The following PNPLA3 variants were observed in gnomAD, a reference collection of about 807,000 sequenced individuals.
PNPLA3 encodes the protein 1-acylglycerol-3-phosphate O-acyltransferase PNPLA3.
Under a neutral mutation model 43.1 loss-of-function variants are expected in PNPLA3, and 42 were observed. The ratio of observed to expected loss-of-function variants is 0.97; its 90% CI spans 0.76 to 1.26. PNPLA3 has a LOEUF of 1.26. PNPLA3 is among the 50% of genes most tolerant of loss of function. The probability of loss-of-function intolerance (pLI) is 0.00; values close to 1 mark genes in which losing one functional copy is unlikely to be tolerated. For missense variants in PNPLA3, 647 were observed against 621.4 expected, an observed-to-expected ratio of 1.04 and a Z score of -0.44; for synonymous variants, 272 against 253.6, an observed-to-expected ratio of 1.07 and a Z score of -0.69.
At chr22:43,942,169 T>C (rs9625965) in intron 7 of PNPLA3, among the ~76,000 whole-genome samples, 6,972 of 152,258 alleles carry the variant, frequency 0.046, 216 homozygotes, top group Middle Eastern at 0.078. Context: ...CACTCTTAGG[T>C]CCTCCTGCCC....
At position 43,946,514 on chromosome 22, in the gene PNPLA3, T is replaced by A. The variant is rs115043594; in HGVS notation, c.*132T>A. The A allele has an allele frequency of 9.4e-4, 889 of 949,444 alleles. 11 individuals carry two copies. In the African/African-American group the frequency reaches 0.013, roughly 14 times the overall value. The allele number at this position is 949,444 out of a possible 1,614,324, so 58.8% of individuals were successfully genotyped here. On this transcript the variant is annotated 3_prime_UTR_variant, in exon 9 of 9. Coordinates refer to ENST00000216180, the MANE Select transcript of PNPLA3 (RefSeq NM_025225.3). The stretch of plus-strand genomic sequence containing the variant: ...GGAGGATCCCAGCCTCTGAGCTGAG[T>A]TGGTTTTATGAAAAGCTAGGAAGCA...
intron 6 of PNPLA3, chr22:43,939,387 T>A: frequency 5.1e-6 from 5 of 982,636 alleles, no homozygotes; most frequent in Non-Finnish European, 6.0e-6. Flanking sequence ...AAGCAGGCTT[T>A]CTGGAATGGC....
At chr22:43,940,265 C>A in intron 7 of PNPLA3, 140 bp downstream of exon 7, 1 of 1,065,012 alleles carries the variant, frequency 9.4e-7, no homozygotes, top group Non-Finnish European at 1.4e-6. Context: ...GTGCAATGCC[C>A]CTGAATGTTG....
chr22:43,946,449 T>G lies in PNPLA3; in HGVS notation c.*67T>G. 1 of 1,406,612 alleles carries G rather than the reference T, an allele frequency of 7.1e-7. No individual in the cohort carries two copies. The highest frequency in any genetic ancestry group is 1.0e-6 in the Non-Finnish European group (1 of 993,698). 87.1% of individuals were successfully genotyped at this position (1,406,612 alleles called of 1,614,324 possible). A position where few individuals can be genotyped will look rare whatever the true frequency, so the allele number is the denominator to read the frequency against. ...CTAAAGTTTCCCATCTTTGTGCAGC[T>G]ACCTCCGCATTGCTGTGTAGTGACC... On this transcript the variant is annotated 3_prime_UTR_variant, in exon 9 of 9. Transcript: ENST00000216180.
intron 4 of PNPLA3, among the ~76,000 whole-genome samples, chr22:43,934,044 C>A (rs180922353): frequency 1.7e-3 from 259 of 152,234 alleles, no homozygotes; most frequent in African/African-American, 5.3e-3. Context: ...CTGCCAGGCG[C>A]GGTGGCTCAC....
At chr22:43,940,375 T>G (rs2050023555) in intron 7 of PNPLA3, among the ~76,000 whole-genome samples, 1 of 152,200 alleles carries the variant, frequency 6.6e-6, no homozygotes, top group Non-Finnish European at 1.5e-5. Context: ...ACATAGCAGC[T>G]GGTCCAGTCT....
At chr22:43,940,243 C>G in intron 7 of PNPLA3, 118 bp downstream of exon 7, 1 of 1,241,408 alleles carries the variant, frequency 8.1e-7, no homozygotes, top group Admixed American at 2.1e-5. Flanking sequence ...CAGATCACAG[C>G]TCACAGTCTA....
At chr22:43,931,004 GTAGTCCCAGC>G (rs1258122001) in intron 3 of PNPLA3, among the ~76,000 whole-genome samples, 1 of 152,188 alleles carries the variant, frequency 6.6e-6, no homozygotes, top group Non-Finnish European at 1.5e-5. Flanking sequence ...GCGGGCGCCT[GTAGTCCCAGC>G]TACTCGGGAG....
chr22:43,932,692 C>G (rs1276944852), intron 3 of PNPLA3, among the ~76,000 whole-genome samples, 186 bp from the exon 4 acceptor site: 1 of 152,234 alleles, frequency 6.6e-6, no homozygotes, highest in Non-Finnish European at 1.5e-5. Context: ...AGAGTAGAGC[C>G]TGTCCTAGCA....
In PNPLA3 at chr22:43,941,757, C is replaced by T. The variant is rs189320612; in HGVS notation, c.1112+1632C>T. On this transcript the variant is annotated intron_variant, in intron 7 of 8. Transcript: ENST00000216180. ...AATATATGGATAGGAAAACCGACCT[C>T]AGTGGGTTGTCTGACAGTGGAGGGC... Among the ~76,000 whole-genome samples the T allele has an allele frequency of 3.6e-4, 55 of 151,940 alleles. 1 individual carries two copies. The East Asian group carries it at 7.0e-3, about 19-fold the overall frequency.
rs774948922 is a variant in PNPLA3 at position 43,927,023 on chromosome 22, G to A, written c.276G>A (p.Lys92=). 3.7e-5 allele frequency: 59 copies of A among 1,614,108 alleles called. No individual in the cohort carries two copies. Among genetic ancestry groups the A allele is most frequent in the Non-Finnish European group, 4.6e-5 (54 of 1,180,056 alleles). ...TCCATCCATCCTTCAACTTAAGCAA[G>A]TTCCTCCGACAGGGTCTCTGCAAAT... is the stretch of plus-strand genomic sequence containing the variant. ...GIFHPSFNLS[K]FLRQGLCKCL... Residue 92 remains lysine (K), a synonymous_variant, in exon 2 of 9, where the codon AAG becomes AAA. Coordinates refer to ENST00000216180, the MANE Select transcript of PNPLA3 (RefSeq NM_025225.3).
At chr22:43,932,290 T>A (rs1467932865) in intron 3 of PNPLA3, among the ~76,000 whole-genome samples, 1 of 152,204 alleles carries the variant, frequency 6.6e-6, no homozygotes, top group Non-Finnish European at 1.5e-5. Flanking sequence ...TAGAGGACAT[T>A]TTCTGAGGTC....
At chr22:43,934,790 A>ATGAGTAGGTTGAGCAAC in intron 5 of PNPLA3, 124 bp downstream of exon 5, 1 of 877,360 alleles carries the variant, frequency 1.1e-6, no homozygotes, top group Non-Finnish European at 1.9e-6. Flanking sequence ...TGTGTTGCTC[A>ATGAGTAGGTTGAGCAAC]ACCTACTCAT....
At chr22:43,939,004 G>A (rs919925980) in intron 6 of PNPLA3, among the ~76,000 whole-genome samples, 3 of 152,174 alleles carry the variant, frequency 2.0e-5, no homozygotes, top group Non-Finnish European at 2.9e-5. Context: ...TGGCTCACTG[G>A]AGCCTCCATC....
rs1272633393 is a variant in PNPLA3, at chr22:43,946,345, C to T, written c.1409C>T (p.Ser470Phe). ...GTACCTGCTGGTGCTGAGGGGCTCT[C>T]CACCTTTCCCAGTTTTTCACTAGAG... ...NKVPAGAEGL[S>F]TFPSFSLEKS... Residue 470 changes from serine to phenylalanine, a missense_variant, in exon 9 of 9, where the codon TCC (serine) becomes TTC (phenylalanine). Physicochemically the swap from Ser to Phe is radical, Grantham distance 155. Coordinates refer to ENST00000216180, the MANE Select transcript of PNPLA3 (RefSeq NM_025225.3). 2 of 1,614,176 alleles carry T rather than the reference C, an allele frequency of 1.2e-6. No homozygotes were observed. The highest frequency in any genetic ancestry group is 3.3e-5 in the Admixed American group (2 of 60,012).
intron 8 of PNPLA3, 105 bp downstream of exon 8, chr22:43,944,900 G>A (rs2050053324): frequency 5.9e-6 from 6 of 1,023,574 alleles, no homozygotes; most frequent in Admixed American, 3.8e-5. Flanking sequence ...CAAGCAAGGA[G>A]CTTGCCCTTG....
chr22:43,928,769 A>C, intron 2 of PNPLA3, 55 bp from the exon 3 acceptor site: 1 of 1,510,306 alleles, frequency 6.6e-7, no homozygotes, highest in South Asian at 1.1e-5. Context: ...ATGAAGGATC[A>C]GGAAAATTAA....
chr22:43,939,556 T>A (rs1217734380), intron 6 of PNPLA3: 1 of 368,876 alleles, frequency 2.7e-6, no homozygotes, highest in Non-Finnish European at 3.7e-6. Flanking sequence ...GGCTTACACC[T>A]GTAATCCTAG....
intron 3 of PNPLA3, 116 bp from the exon 4 acceptor site, chr22:43,932,762 A>T (rs757926548): frequency 1.2e-6 from 1 of 865,418 alleles, no homozygotes; most frequent in Non-Finnish European, 1.9e-6. Context: ...TCCTCCCTCC[A>T]TATCAGCCTG....
Sources: gnomAD v4.1 joint callset for allele counts (sites outside exome capture counted in the v4.1 genomes callset) on GRCh38, gnomAD v4.1.1 for gene constraint, MANE v1.5 for transcripts, NCBI Gene and HGNC (gene_info 2026-07-23, HGNC 2026-07-21) for gene names.